Variants in RTL9 observed in about 807,000 individuals in gnomAD.
RTL9 encodes retrotransposon Gag like 9, also known as retrotransposon Gag-like protein 9.
Under a neutral mutation model 44.7 loss-of-function variants are expected in RTL9, and 19 were observed. The observed-to-expected ratio is 0.42, with a 90% confidence interval of 0.30 to 0.62. The LOEUF is 0.62. RTL9 is among the 20% of genes least tolerant of loss of function. RTL9 has a pLI of 0.16. For synonymous variants in RTL9, 407 were observed against 398.9 expected (o/e 1.02, Z -0.24); for missense variants, 1,105 against 1,080.6 (o/e 1.02, Z -0.32).
exon 1 of RTL9, chrX:110,452,191 T>C: frequency 8.3e-7 from 1 of 1,210,762 alleles, no homozygotes; most frequent in African/African-American, 1.7e-5. Context: ...ACAATGTCCA[T>C]GCCACAATTG....
In RTL9 at chrX:110,367,351, C is replaced by G. The variant is rs756243722; in HGVS notation, c.-168+8435C>G. 3.5e-4 allele frequency among the ~76,000 whole-genome samples: 39 copies of G among 112,185 alleles called. No individual in the cohort carries two copies. In the South Asian group the frequency reaches 3.7e-3, roughly 11 times the overall value. On this transcript the variant is annotated intron_variant, in intron 1 of 2. Coordinates refer to the RTL9 transcript ENST00000520821. Reference sequence around the variant, plus strand: ...CATTTTCTCTTGAATCCTCTCCAGTCAGGCTTTTGCCATCATCACTCCACC... The same window carrying G: ...CATTTTCTCTTGAATCCTCTCCAGTGAGGCTTTTGCCATCATCACTCCACC...
chrX:110,415,704 G>A (rs986549771), upstream of RTL9, among the ~76,000 whole-genome samples: 2 of 111,210 alleles, frequency 1.8e-5, no homozygotes, highest in African/African-American at 3.3e-5. Flanking sequence ...CTCCTGGGTT[G>A]AGGTATTTCT....
chrX:110,379,721 A>C (rs2068405239), intron 1 of RTL9, among the ~76,000 whole-genome samples: 2 of 111,995 alleles, frequency 1.8e-5, no homozygotes, highest in Admixed American at 9.4e-5. Flanking sequence ...TGGGGAAGCA[A>C]AAAAATACCA....
At chrX:110,385,078 A>G (rs1250473596) in intron 1 of RTL9, among the ~76,000 whole-genome samples, 4 of 111,485 alleles carry the variant, frequency 3.6e-5, no homozygotes, top group Non-Finnish European at 7.5e-5. Context: ...ACTGTATTGA[A>G]GAACATAACA....
exon 2 of RTL9, chrX:110,455,249 C>A: frequency 8.3e-7 from 1 of 1,210,294 alleles, no homozygotes; most frequent in Non-Finnish European, 1.1e-6. Context: ...AGCATGGAGA[C>A]CCCCAAGAAG....
At chrX:110,373,800 T>C (rs749669969) in intron 1 of RTL9, among the ~76,000 whole-genome samples, 1 of 111,443 alleles carries the variant, frequency 9.0e-6, no homozygotes, top group South Asian at 3.8e-4. Flanking sequence ...GTACACCAAA[T>C]AAATAGGCCA....
chrX:110,365,915 T>C (rs1450234130), intron 1 of RTL9, among the ~76,000 whole-genome samples: 1 of 112,124 alleles, frequency 8.9e-6, no homozygotes, highest in African/African-American at 3.2e-5. Context: ...TCTTGAATTA[T>C]TGAAAATATA....
chrX:110,374,554 A>G (rs1306633529), intron 1 of RTL9, among the ~76,000 whole-genome samples: 2 of 112,118 alleles, frequency 1.8e-5, no homozygotes, highest in African/African-American at 6.5e-5. Context: ...AAGGCTGTCA[A>G]ATGAGGTCCT....
At chrX:110,420,307 C>G (rs2068707808) in intron 1 of RTL9, among the ~76,000 whole-genome samples, 1 of 112,304 alleles carries the variant, frequency 8.9e-6, no homozygotes, top group Non-Finnish European at 1.9e-5. Context: ...TCTGGAATAG[C>G]TAACCAAGGA....
chrX:110,409,783 C>T (rs770256486), intron 1 of RTL9, among the ~76,000 whole-genome samples: 2 of 111,470 alleles, frequency 1.8e-5, no homozygotes, highest in African/African-American at 6.5e-5. Context: ...AGAGAATGGG[C>T]TCCCACTTAG....
chrX:110,415,998 A>G (rs1170666580), upstream of RTL9, among the ~76,000 whole-genome samples: 2 of 102,192 alleles, frequency 2.0e-5, no homozygotes, highest in African/African-American at 7.7e-5. Context: ...AACTTAACCC[A>G]GAAGAGGCAA....
chrX:110,422,099 C>T (rs1435055899), intron 1 of RTL9, among the ~76,000 whole-genome samples: 1 of 113,156 alleles, frequency 8.8e-6, no homozygotes, highest in Non-Finnish European at 1.9e-5. Flanking sequence ...AATCAGAGAA[C>T]ACACCCAGAC....
chrX:110,399,366 G>A (rs773911994), intron 1 of RTL9, among the ~76,000 whole-genome samples: 1 of 112,337 alleles, frequency 8.9e-6, no homozygotes, highest in Non-Finnish European at 1.9e-5. Flanking sequence ...ACCTACGCTG[G>A]TCTGGCTCCA....
chrX:110,454,006 C>A, exon 1 of RTL9: 1 of 1,212,099 alleles, frequency 8.3e-7, no homozygotes, highest in African/African-American at 1.7e-5. Context: ...ACTCCTGAAA[C>A]TGCGAAACCA....
intron 1 of RTL9, among the ~76,000 whole-genome samples, chrX:110,439,273 G>T (rs999045175): frequency 2.7e-5 from 3 of 112,053 alleles, no homozygotes; most frequent in Non-Finnish European, 3.8e-5. Flanking sequence ...TTCCTGGGGA[G>T]CCCTTAGTTA....
At position 110,375,712 on chromosome X, in the gene RTL9, A is replaced by C. The variant is rs554714537; in HGVS notation, c.-168+16796A>C. On this transcript the variant is annotated intron_variant, in intron 1 of 2. Transcript: ENST00000520821. ...ACTACAGCTACTACTCACAATTATT[A>C]TTTTAAAAATTAAATTAGAATGCTA... Among the ~76,000 whole-genome samples the C allele has an allele frequency of 4.4e-4, 50 of 112,420 alleles. No homozygotes were observed. The South Asian group carries it at 0.019, about 42-fold the overall frequency.
intron 1 of RTL9, among the ~76,000 whole-genome samples, chrX:110,428,876 C>A (rs1478583217): frequency 8.9e-6 from 1 of 112,360 alleles, no homozygotes; most frequent in African/African-American, 3.2e-5. Context: ...CAAAGGAGAG[C>A]ATTAAACCAA....
chrX:110,400,062 G>A (rs1212249022), intron 1 of RTL9, among the ~76,000 whole-genome samples: 2 of 110,267 alleles, frequency 1.8e-5, no homozygotes, highest in Non-Finnish European at 3.8e-5. Context: ...TGCTCTGTGT[G>A]CTTAGAGGAC....
chrX:110,439,329 C>A (rs2068862631), intron 1 of RTL9, among the ~76,000 whole-genome samples: 1 of 112,209 alleles, frequency 8.9e-6, no homozygotes, highest in Non-Finnish European at 1.9e-5. Context: ...TGAAAGGGAC[C>A]ATTCGTGGGA....
Sources: gnomAD v4.1 joint callset for allele counts (sites outside exome capture counted in the v4.1 genomes callset) on GRCh38, gnomAD v4.1.1 for gene constraint, MANE v1.5 for transcripts, NCBI Gene and HGNC (gene_info 2026-07-23, HGNC 2026-07-21) for gene names.